Variants in CNKSR3 observed in about 807,000 individuals in gnomAD.
CNKSR3 encodes the protein connector enhancer of kinase suppressor of ras 3.
Under a neutral mutation model 67.7 loss-of-function variants are expected in CNKSR3, and 36 were observed. The observed-to-expected ratio is 0.53, with a 90% CI of 0.41 to 0.70. The LOEUF is 0.70. Among genes scored for constraint, CNKSR3 ranks in the 30% least tolerant of loss-of-function variants. The pLI, the probability that CNKSR3 is intolerant of heterozygous loss-of-function variation, is 0.00. For missense variants in CNKSR3, 630 were observed against 695.2 expected, an observed-to-expected ratio of 0.91 and a Z score of 1.05; for synonymous variants, 281 against 271.4, an observed-to-expected ratio of 1.04 and a Z score of -0.35.
chr6:154,466,344 G>C (rs61086529), intron 1 of CNKSR3, among the ~76,000 whole-genome samples: 2,658 of 152,282 alleles, frequency 0.017, 60 homozygotes, highest in African/African-American at 0.061. Context: ...CTTGGCTCAT[G>C]TACGGACTTG....
rs1307315681 is a variant in CNKSR3, at chr6:154,400,429, C to G, written c.*5925G>C. 1 of 152,202 alleles carries G rather than the reference C, an allele frequency of 6.6e-6. No individual in the cohort carries two copies. The highest frequency in any genetic ancestry group is 1.5e-5 in the Non-Finnish European group (1 of 68,036). 9.4% of individuals were successfully genotyped at this position (152,202 alleles called of 1,614,324 possible). A position where few individuals can be genotyped will look rare whatever the true frequency, so the allele number is the denominator to read the frequency against. On this transcript the variant is annotated 3_prime_UTR_variant, in exon 13 of 13. Coordinates refer to ENST00000607772, the MANE Select transcript of CNKSR3 (RefSeq NM_173515.4). ...TGCCTATGGATGGCCAAGTCACAAC[C>G]AGAATTGAGTCCTTAATCACTGACC... is the stretch of plus-strand genomic sequence containing the variant.
In CNKSR3 at chr6:154,414,325, A is replaced by T; in HGVS notation, c.1044T>A (p.Pro348=). Residue 348 remains proline, a synonymous_variant, in exon 10 of 13, where the codon CCT becomes CCA. Transcript: ENST00000607772. ...GGGGAGAGTAGGGAACAGCAGGCGGAGGAGGAATATAAAGATCCAGGATGG... is the reference window on the plus strand; with the variant it reads ...GGGGAGAGTAGGGAACAGCAGGCGGTGGAGGAATATAAAGATCCAGGATGG... ...KSAILDLYIP[P]PPAVPYSPRD... The T allele has an allele frequency of 6.2e-7, 1 of 1,609,322 alleles. No homozygotes were observed. Among genetic ancestry groups the T allele is most frequent in the Non-Finnish European group, 8.5e-7 (1 of 1,178,084 alleles).
chr6:154,485,845 T>C (rs1311077453), intron 1 of CNKSR3, among the ~76,000 whole-genome samples: 2 of 152,206 alleles, frequency 1.3e-5, no homozygotes, highest in African/African-American at 2.4e-5. Flanking sequence ...CCAACAGTGC[T>C]TATAGGAGCA....
chr6:154,417,768 C>A (rs1487144675), intron 9 of CNKSR3, among the ~76,000 whole-genome samples: 1 of 152,032 alleles, frequency 6.6e-6, no homozygotes, highest in East Asian at 1.9e-4. Context: ...GGAAGAAGAC[C>A]ACCATTTGCA....
At chr6:154,490,431 G>T (rs1451348936) in intron 1 of CNKSR3, among the ~76,000 whole-genome samples, 1 of 152,142 alleles carries the variant, frequency 6.6e-6, no homozygotes, top group Non-Finnish European at 1.5e-5. Flanking sequence ...TATTATGCAT[G>T]TATATATGAT....
chr6:154,445,879 A>C (rs1382420155), intron 2 of CNKSR3, among the ~76,000 whole-genome samples: 1 of 152,184 alleles, frequency 6.6e-6, no homozygotes, highest in African/African-American at 2.4e-5. Context: ...CTTCGACCCC[A>C]TTCCACATTA....
chr6:154,424,491 C>CA (rs904389324), intron 7 of CNKSR3, among the ~76,000 whole-genome samples: 2 of 152,072 alleles, frequency 1.3e-5, no homozygotes, highest in Admixed American at 1.3e-4. Flanking sequence ...TCCAAATATC[C>CA]AAAAAATAGC....
rs1784570031 is a variant in CNKSR3, at chr6:154,388,221, G to A, written c.*18133C>T. 6.6e-6 allele frequency: 1 copy of A among 152,092 alleles called. No individual in the cohort carries two copies. The highest frequency in any genetic ancestry group is 2.1e-4 in the South Asian group (1 of 4,822). 9.4% of individuals were successfully genotyped at this position (152,092 alleles called of 1,614,324 possible). On this transcript the variant is annotated 3_prime_UTR_variant, in exon 13 of 13. Coordinates refer to ENST00000607772, the MANE Select transcript of CNKSR3 (RefSeq NM_173515.4). ...TCATTTCACTCTTTGGTTCTATGAA[G>A]TTGACTATTTTAAATATCCCACATA...
At chr6:154,509,983 C>A (rs778276061) in intron 1 of CNKSR3, 80 bp downstream of exon 1, 20 of 1,509,598 alleles carry the variant, frequency 1.3e-5, no homozygotes, top group Non-Finnish European at 1.8e-5. Flanking sequence ...GGAGGAAGGG[C>A]CAAGTACCCT....
At chr6:154,440,628 T>C (rs1785562078) in intron 4 of CNKSR3, among the ~76,000 whole-genome samples, 1 of 152,226 alleles carries the variant, frequency 6.6e-6, no homozygotes, top group Non-Finnish European at 1.5e-5. Context: ...AATTGACATG[T>C]GTCACTTGCA....
Position 154,471,092 on chromosome 6 carries a change from C to T in CNKSR3, c.53-20834G>A, listed in dbSNP as rs542535770. Among the ~76,000 whole-genome samples, 100 of 152,288 alleles carry T rather than the reference C, an allele frequency of 6.6e-4. 1 individual carries two copies. Among genetic ancestry groups the T allele is most frequent in the Admixed American group, 1.3e-3 (20 of 15,304 alleles). ...AGTGGAAGAAAAAAAATCCATATTA[C>T]GCCAAGACAGTATTCCCAAACTTCA... On this transcript the variant is annotated intron_variant, in intron 1 of 12. Coordinates refer to ENST00000607772, the MANE Select transcript of CNKSR3 (RefSeq NM_173515.4).
chr6:154,446,348 G>A (rs933999195), intron 2 of CNKSR3, among the ~76,000 whole-genome samples: 3 of 152,194 alleles, frequency 2.0e-5, no homozygotes, highest in African/African-American at 7.2e-5. Flanking sequence ...TGTGATTAAG[G>A]TGTGCCAGAG....
At chr6:154,465,190 A>G (rs1482153457) in intron 1 of CNKSR3, among the ~76,000 whole-genome samples, 1 of 151,598 alleles carries the variant, frequency 6.6e-6, no homozygotes, top group African/African-American at 2.4e-5. Context: ...GTGAATGAAT[A>G]CAAGAGTTTC....
At chr6:154,491,930 G>A (rs1231035786) in intron 1 of CNKSR3, among the ~76,000 whole-genome samples, 1 of 152,162 alleles carries the variant, frequency 6.6e-6, no homozygotes, top group Non-Finnish European at 1.5e-5. Context: ...AATACAAAGA[G>A]CTGTGTGCAT....
At chr6:154,423,119 T>TGA in intron 7 of CNKSR3, 136 bp from the exon 8 acceptor site, 1 of 613,618 alleles carries the variant, frequency 1.6e-6, no homozygotes, top group Non-Finnish European at 2.9e-6. Context: ...ATGCACTTTA[T>TGA]TCCCCTGAGA....
chr6:154,488,255 TATAAC>T (rs1412054862), intron 1 of CNKSR3, among the ~76,000 whole-genome samples: 1 of 152,232 alleles, frequency 6.6e-6, no homozygotes, highest in Non-Finnish European at 1.5e-5. Context: ...ATTAAGTCAT[TATAAC>T]AGATTGATTT....
At chr6:154,441,964 T>G in intron 3 of CNKSR3, 124 bp downstream of exon 3, 2 of 923,220 alleles carry the variant, frequency 2.2e-6, no homozygotes, top group Non-Finnish European at 1.6e-6. Context: ...GAGGACTCCT[T>G]AAGAGCCGGT....
chr6:154,508,295 A>C (rs908258004), intron 1 of CNKSR3, among the ~76,000 whole-genome samples: 6 of 152,242 alleles, frequency 3.9e-5, no homozygotes, highest in Admixed American at 3.9e-4. Flanking sequence ...CACATGTAAT[A>C]AAAAGTATTA....
intron 1 of CNKSR3, among the ~76,000 whole-genome samples, chr6:154,495,882 A>G (rs1163707519): frequency 6.6e-6 from 1 of 151,932 alleles, no homozygotes; most frequent in Non-Finnish European, 1.5e-5. Flanking sequence ...TCACCAGGAG[A>G]CAGGCCCAAC....
Sources: gnomAD v4.1 joint callset for allele counts (sites outside exome capture counted in the v4.1 genomes callset) on GRCh38, gnomAD v4.1.1 for gene constraint, MANE v1.5 for transcripts, NCBI Gene and HGNC (gene_info 2026-07-23, HGNC 2026-07-21) for gene names.